Variants in KLF8 observed in about 807,000 individuals in gnomAD.
The protein encoded by KLF8 is KLF transcription factor 8.
A neutral mutation model predicts 18.2 loss-of-function variants in KLF8; 10 were observed. The observed-to-expected ratio is 0.55, with a 90% CI of 0.34 to 0.93. The LOEUF is 0.93. Among genes scored for constraint, KLF8 ranks in the 40% least tolerant of loss-of-function variants. The probability of loss-of-function intolerance (pLI) is 0.02; values close to 1 mark genes in which losing one functional copy is unlikely to be tolerated. For synonymous variants in KLF8, 109 were observed against 97.3 expected (o/e 1.12, Z -0.71); for missense variants, 264 against 277.9 (o/e 0.95, Z 0.36).
chrX:56,182,498 T>C, the KLF8 span, among the ~76,000 whole-genome samples: 2 of 112,594 alleles, frequency 1.8e-5, no homozygotes, highest in Admixed American at 1.9e-4. Flanking sequence ...TCCAGCTTTG[T>C]TCTGTTGCTG....
At chrX:56,043,240 T>A in the KLF8 span, among the ~76,000 whole-genome samples, 968 of 110,542 alleles carry the variant, frequency 8.8e-3, 5 homozygotes, top group Non-Finnish European at 0.016. Flanking sequence ...TGGCTGCCCT[T>A]AAAATTTTTT....
intron 5 of KLF8, among the ~76,000 whole-genome samples, chrX:56,272,982 A>G (rs1230142405): frequency 9.0e-6 from 1 of 111,249 alleles, no homozygotes; most frequent in Non-Finnish European, 1.9e-5. Flanking sequence ...TCTTCTGCCC[A>G]GAAAAATCTT....
At chrX:56,155,551 A>T in the KLF8 span, among the ~76,000 whole-genome samples, 2 of 111,378 alleles carry the variant, frequency 1.8e-5, no homozygotes, top group East Asian at 5.6e-4. Context: ...ACATGTATAC[A>T]TATGTAACAA....
At chrX:55,989,428 G>A in the KLF8 span, among the ~76,000 whole-genome samples, 7 of 112,442 alleles carry the variant, frequency 6.2e-5, no homozygotes, top group African/African-American at 2.3e-4. Context: ...GTTGAATTCT[G>A]TCAAAGGCCT....
the KLF8 span, among the ~76,000 whole-genome samples, chrX:56,055,924 AT>A: frequency 1.5e-4 from 17 of 111,463 alleles, no homozygotes; most frequent in African/African-American, 4.9e-4. Flanking sequence ...GTTCAGTTAT[AT>A]TTCTTTCTAT....
At chrX:56,164,729 C>CTTTTTTTTTTTTTTTTTTAATTTTT in the KLF8 span, among the ~76,000 whole-genome samples, 1 of 51,920 alleles carries the variant, frequency 1.9e-5, no homozygotes, top group African/African-American at 8.6e-5. Context: ...CTTGTTATCT[C>CTTTTTTTTTTTTTTTTTTAATTTTT]TTTTTTTTTT....
the KLF8 span, among the ~76,000 whole-genome samples, chrX:56,208,445 T>C: frequency 8.9e-6 from 1 of 112,114 alleles, no homozygotes; most frequent in Non-Finnish European, 1.9e-5. Context: ...TTTCACTGCT[T>C]TTTTATGCTT....
chrX:55,922,413 A>G, the KLF8 span, among the ~76,000 whole-genome samples: 1 of 112,420 alleles, frequency 8.9e-6, no homozygotes, highest in Admixed American at 9.4e-5. Context: ...GTGAACAATG[A>G]AAATGCATGG....
At chrX:56,268,703 C>T in intron 3 of KLF8, 1 of 781,928 alleles carries the variant, frequency 1.3e-6, no homozygotes, top group Non-Finnish European at 1.5e-6. Flanking sequence ...TCACCACCCC[C>T]AAGTTTCTTC....
the KLF8 span, among the ~76,000 whole-genome samples, chrX:56,121,185 C>CA: frequency 0.12 from 4,661 of 40,302 alleles, 589 homozygotes; most frequent in African/African-American, 0.29. Context: ...GACTCCGTCT[C>CA]AAAAAAAAAA....
At chrX:56,066,884 A>T in the KLF8 span, among the ~76,000 whole-genome samples, 1 of 109,890 alleles carries the variant, frequency 9.1e-6, no homozygotes, top group South Asian at 4.0e-4. Flanking sequence ...CACTCCCTAC[A>T]TTAGTCTCCA....
At chrX:55,914,201 AC>A in the KLF8 span, among the ~76,000 whole-genome samples, 12 of 111,755 alleles carry the variant, frequency 1.1e-4, no homozygotes, top group Non-Finnish European at 2.3e-4. Context: ...ATATATATTA[AC>A]CATTTCCACT....
At chrX:56,193,973 G>A in the KLF8 span, among the ~76,000 whole-genome samples, 1 of 111,875 alleles carries the variant, frequency 8.9e-6, no homozygotes, top group Admixed American at 9.5e-5. Context: ...GAGTGTAACT[G>A]GATTGTTTGC....
the KLF8 span, among the ~76,000 whole-genome samples, chrX:56,087,135 G>T: frequency 9.0e-5 from 10 of 111,443 alleles, no homozygotes; most frequent in South Asian, 2.3e-3. Flanking sequence ...CAGAACACAG[G>T]TTGCCAAGAT....
chrX:56,177,042 G>A, the KLF8 span, among the ~76,000 whole-genome samples: 2 of 110,785 alleles, frequency 1.8e-5, no homozygotes, highest in Non-Finnish European at 3.8e-5. Flanking sequence ...TTTGCCATTG[G>A]TTAGAACTTC....
At chrX:56,136,974 C>T in the KLF8 span, among the ~76,000 whole-genome samples, 14 of 112,194 alleles carry the variant, frequency 1.2e-4, no homozygotes, top group African/African-American at 4.5e-4. Context: ...CAAAAGGAGA[C>T]ATTTATGCAG....
chrX:56,247,869 G>A (rs1486002227), intron 1 of KLF8, among the ~76,000 whole-genome samples: 3 of 111,266 alleles, frequency 2.7e-5, no homozygotes, highest in Non-Finnish European at 5.7e-5. Flanking sequence ...CTAAAATGAT[G>A]ATAGAATGTA....
the KLF8 span, among the ~76,000 whole-genome samples, chrX:56,134,775 A>G: frequency 9.0e-6 from 1 of 111,005 alleles, no homozygotes; most frequent in Non-Finnish European, 1.9e-5. Context: ...TAATATCCAG[A>G]ATCTACAAGG....
chrX:56,225,562 G>A, the KLF8 span, among the ~76,000 whole-genome samples: 1 of 112,002 alleles, frequency 8.9e-6, no homozygotes, highest in African/African-American at 3.2e-5. Context: ...TGAGTCACAG[G>A]ACCAATAGGT....
Sources: gnomAD v4.1 joint callset for allele counts (sites outside exome capture counted in the v4.1 genomes callset) on GRCh38, gnomAD v4.1.1 for gene constraint, MANE v1.5 for transcripts, NCBI Gene and HGNC (gene_info 2026-07-23, HGNC 2026-07-21) for gene names.